PDE4D: variants seen among roughly 807,000 people sequenced by gnomAD.
The protein encoded by PDE4D is 3',5'-cyclic-AMP phosphodiesterase 4D.
Under a neutral mutation model 87.4 loss-of-function variants are expected in PDE4D, and 24 were observed. The ratio of observed to expected loss-of-function variants is 0.27; its 90% CI spans 0.20 to 0.39. The LOEUF (loss-of-function observed/expected upper bound fraction) is 0.39. Among genes scored for constraint, PDE4D ranks in the 10% least tolerant of loss-of-function variants. The pLI is 1.00. For missense variants in PDE4D, 714 were observed against 1,041.0 expected (o/e 0.69, Z 4.32); for synonymous variants, 384 against 383.2 (o/e 1.00, Z -0.02).
At chr5:59,780,570 G>A (rs1439484392) in intron 1 of PDE4D, among the ~76,000 whole-genome samples, 1 of 152,148 alleles carries the variant, frequency 6.6e-6, no homozygotes, top group Non-Finnish European at 1.5e-5. Flanking sequence ...AAGATAGATT[G>A]TGCTAAGCAT....
intron 1 of PDE4D, among the ~76,000 whole-genome samples, chr5:59,559,464 TTAAA>T (rs1819561880): frequency 6.6e-6 from 1 of 152,152 alleles, no homozygotes; most frequent in Non-Finnish European, 1.5e-5. Flanking sequence ...CAGAAAAAAA[TTAAA>T]TGTTTGTTTT....
intron 1 of PDE4D, among the ~76,000 whole-genome samples, chr5:59,331,671 A>C (rs1300326895): frequency 2.0e-5 from 3 of 152,202 alleles, no homozygotes; most frequent in African/African-American, 7.2e-5. Context: ...TTCCACAGCC[A>C]CAGAGCCATC....
At chr5:60,272,130 G>T (rs1750876298) in intron 1 of PDE4D, among the ~76,000 whole-genome samples, 1 of 152,122 alleles carries the variant, frequency 6.6e-6, no homozygotes, top group Non-Finnish European at 1.5e-5. Context: ...GCTAGAATGT[G>T]GTCTATAAAG....
rs751360815 is a variant in PDE4D at position 58,989,890 on chromosome 5, A to C, written c.1317T>G (p.Ile439Met). 4 of 1,545,578 alleles carry C rather than the reference A, an allele frequency of 2.6e-6. No individual in the cohort carries two copies. Among genetic ancestry groups the C allele is most frequent in the Non-Finnish European group, 3.6e-6 (4 of 1,123,374 alleles). The change falls in exon 10 of 15, where the codon ATT becomes ATG. Residue 439 changes from isoleucine (I) to methionine (M), a missense_variant. Physicochemically the swap from Ile to Met is conservative, Grantham distance 10. Coordinates refer to ENST00000340635, the MANE Select transcript of PDE4D (RefSeq NM_001104631.2). ...GATATGTAATTAAAGTATCTACTGG[A>C]ATTTTAAATGTTTTTAATAAATCCC... ...QERDLLKTFK[I>M]PVDTLITYLM...
intron 1 of PDE4D, among the ~76,000 whole-genome samples, chr5:60,519,255 T>C (rs1750933847): frequency 6.6e-6 from 1 of 152,330 alleles, no homozygotes; most frequent in Middle Eastern, 3.4e-3. Flanking sequence ...TAAAAAGAAC[T>C]CAGTTTCTAC....
At chr5:58,988,419 A>C (rs938557152) in intron 11 of PDE4D, 74 bp downstream of exon 11, 1 of 515,470 alleles carries the variant, frequency 1.9e-6, no homozygotes, top group Non-Finnish European at 3.3e-6. Context: ...GAAGACTCTG[A>C]GTTTATAAAG....
At chr5:60,011,035 C>T (rs1764977984) in intron 2 of PDE4D, among the ~76,000 whole-genome samples, 1 of 152,148 alleles carries the variant, frequency 6.6e-6, no homozygotes, top group Admixed American at 6.6e-5. Context: ...AGGACTGATG[C>T]AAACACAGTG....
rs116810990 is a variant in PDE4D at position 59,504,887 on chromosome 5, T to C, written c.456-288919A>G. On this transcript the variant is annotated intron_variant, in intron 1 of 14. Transcript: ENST00000340635. Reference sequence around the variant, plus strand: ...ATAAGTAATACATACTTTCATACTTTCTTGGTAGGGGTATATGTGTGTGTG... The same window carrying C: ...ATAAGTAATACATACTTTCATACTTCCTTGGTAGGGGTATATGTGTGTGTG... 4.4e-3 allele frequency among the ~76,000 whole-genome samples: 664 copies of C among 150,446 alleles called. 3 individuals are homozygous for C. The highest frequency in any genetic ancestry group is 0.015 in the African/African-American group (612 of 40,626).
intron 1 of PDE4D, among the ~76,000 whole-genome samples, chr5:60,221,785 C>T (rs945042730): frequency 6.6e-6 from 1 of 152,060 alleles, no homozygotes; most frequent in Non-Finnish European, 1.5e-5. Flanking sequence ...ATTAGTAGTT[C>T]TCTTTTATCA....
At chr5:60,040,365 C>T (rs1002323923) in intron 2 of PDE4D, among the ~76,000 whole-genome samples, 34 of 152,174 alleles carry the variant, frequency 2.2e-4, no homozygotes, top group African/African-American at 8.2e-4. Context: ...TCTACTCTCT[C>T]ACCAATTTCC....
intron 5 of PDE4D, among the ~76,000 whole-genome samples, chr5:59,143,744 T>G (rs534727523): frequency 2.6e-5 from 4 of 152,368 alleles, no homozygotes; most frequent in African/African-American, 9.6e-5. Flanking sequence ...ATTTAATTCA[T>G]GTGCTTCTAG....
intron 1 of PDE4D, among the ~76,000 whole-genome samples, chr5:59,574,732 G>A (rs980509401): frequency 6.6e-6 from 1 of 152,022 alleles, no homozygotes; most frequent in African/African-American, 2.4e-5. Context: ...ACAAAGTCTT[G>A]CAGTTATTTC....
At chr5:59,389,536 T>C (rs1322446361) in intron 1 of PDE4D, among the ~76,000 whole-genome samples, 1 of 152,046 alleles carries the variant, frequency 6.6e-6, no homozygotes, top group Non-Finnish European at 1.5e-5. Context: ...GAAAACAGTA[T>C]GGAAGTTTCT....
intron 1 of PDE4D, among the ~76,000 whole-genome samples, chr5:60,289,405 G>T (rs768489840): frequency 1.3e-5 from 2 of 152,124 alleles, no homozygotes; most frequent in Non-Finnish European, 2.9e-5. Context: ...CAATTTGGGT[G>T]ATCCTATAAA....
rs1743196951 is a variant in PDE4D, at chr5:58,974,356, CT to C, written c.*307del. 1 of 215,680 alleles carries C rather than the reference CT, an allele frequency of 4.6e-6. No individual in the cohort carries two copies. 13.4% of individuals were successfully genotyped at this position (215,680 alleles called of 1,614,324 possible). A position where few individuals can be genotyped will look rare whatever the true frequency, so the allele number is the denominator to read the frequency against. The stretch of plus-strand genomic sequence containing the variant: ...ACCCCAAGTCCAATAAACTTTTGGG[CT>C]GCCTGATGAGTCACACTCTCTTGAA... On this transcript the variant is annotated 3_prime_UTR_variant, in exon 15 of 15. Coordinates refer to ENST00000340635, the MANE Select transcript of PDE4D (RefSeq NM_001104631.2).
At chr5:59,123,715 T>C (rs1561525364) in intron 5 of PDE4D, among the ~76,000 whole-genome samples, 1 of 152,266 alleles carries the variant, frequency 6.6e-6, no homozygotes, top group African/African-American at 2.4e-5. Context: ...AGTATGCCAT[T>C]GTAAATCTGA....
At chr5:59,687,438 A>C (rs1459155061) in intron 1 of PDE4D, among the ~76,000 whole-genome samples, 2 of 152,186 alleles carry the variant, frequency 1.3e-5, no homozygotes, top group Non-Finnish European at 2.9e-5. Flanking sequence ...ATTCTTAAAG[A>C]ATTTTCAACC....
At chr5:59,760,725 T>C (rs973767134) in intron 1 of PDE4D, among the ~76,000 whole-genome samples, 4 of 152,184 alleles carry the variant, frequency 2.6e-5, no homozygotes, top group Non-Finnish European at 4.4e-5. Flanking sequence ...ATGCTACCCA[T>C]GAATATTAGT....
chr5:59,760,420 C>T (rs1580939294), intron 1 of PDE4D, among the ~76,000 whole-genome samples: 4 of 152,254 alleles, frequency 2.6e-5, no homozygotes, highest in Admixed American at 2.6e-4. Context: ...ATTAAAAATA[C>T]ATATGTGTAT....
Sources: allele counts gnomAD v4.1 joint callset (sites outside exome capture counted in the v4.1 genomes callset), GRCh38; gene constraint gnomAD v4.1.1; transcripts MANE v1.5; gene names NCBI Gene and HGNC (gene_info 2026-07-23, HGNC 2026-07-21).